FRMPD2: variants seen among roughly 807,000 people sequenced by gnomAD.
The protein encoded by FRMPD2 is FERM and PDZ domain-containing protein 2.
In FRMPD2, 96 loss-of-function variants were observed where a neutral mutation model predicts 140.1. That is an observed-to-expected ratio of 0.69 (90% CI 0.58 to 0.81). The LOEUF is 0.81. Among genes scored for constraint, FRMPD2 ranks in the 40% least tolerant of loss-of-function variants. The pLI is 0.00. For synonymous variants in FRMPD2, 449 were observed against 547.6 expected (o/e 0.82, Z 2.52); for missense variants, 1,240 against 1,447.4 (o/e 0.86, Z 2.32).
chr10:48,211,912 C>T, intron 13 of FRMPD2, 42 bp downstream of exon 13: 1 of 1,593,292 alleles, frequency 6.3e-7, no homozygotes, highest in Non-Finnish European at 8.6e-7. Context: ...GGCTGCATTC[C>T]CTTGAAGACC....
chr10:48,245,278 A>G (rs778603267), intron 3 of FRMPD2, among the ~76,000 whole-genome samples: 3 of 152,348 alleles, frequency 2.0e-5, no homozygotes, highest in Non-Finnish European at 2.9e-5. Flanking sequence ...ATGGAAATAC[A>G]CAGCCTGGAT....
At position 48,168,043 on chromosome 10, in the gene FRMPD2, C is replaced by G. The variant is rs1434992732; in HGVS notation, c.3537+552G>C. Among the ~76,000 whole-genome samples the G allele has an allele frequency of 2.0e-5, 3 of 147,796 alleles. 1 individual carries two copies. Among genetic ancestry groups the G allele is most frequent in the East Asian group, 1.9e-4 (1 of 5,182 alleles). Reference sequence around the variant, plus strand: ...CTATAATAAATCTCTTTCTCTCACTCTCTTCATATATAAACACACACATAA... The same window carrying G: ...CTATAATAAATCTCTTTCTCTCACTGTCTTCATATATAAACACACACATAA... On this transcript the variant is annotated intron_variant, in intron 27 of 28. Transcript: ENST00000374201.
chr10:48,256,096 A>G (rs541163067), intron 1 of FRMPD2, among the ~76,000 whole-genome samples: 31 of 152,338 alleles, frequency 2.0e-4, no homozygotes, highest in African/African-American at 7.2e-4. Context: ...GCTGAGTATT[A>G]ACTAGAAGGA....
At chr10:48,265,122 C>T (rs1371115414) in intron 1 of FRMPD2, among the ~76,000 whole-genome samples, 1 of 152,192 alleles carries the variant, frequency 6.6e-6, no homozygotes, top group South Asian at 2.1e-4. Flanking sequence ...GAAAGGACTT[C>T]TTATTCAGTA....
chr10:48,190,454 G>A (rs1043193732), intron 16 of FRMPD2, among the ~76,000 whole-genome samples: 1 of 152,158 alleles, frequency 6.6e-6, no homozygotes. Context: ...CTGAGCCCTG[G>A]TTGCCCTCAA....
intron 1 of FRMPD2, among the ~76,000 whole-genome samples, chr10:48,271,916 T>C (rs1157385373): frequency 2.0e-5 from 3 of 152,322 alleles, no homozygotes; most frequent in South Asian, 4.1e-4. Flanking sequence ...GTCTGGCATA[T>C]GGCAGTTTTT....
rs770784854 is a variant in FRMPD2 at position 48,244,815 on chromosome 10, C to A, written c.344G>T (p.Trp115Leu). The change falls in exon 4 of 29, where the codon TGG becomes TTG. Residue 115 changes from tryptophan (W) to leucine (L), a missense_variant. Transcript: ENST00000374201. The stretch of plus-strand genomic sequence containing the variant: ...TGGCGGAACATGAAACCCTGCTGAC[C>A]AGTAGAGGGTCATTCCTAAAGAATA... ...HVYSLGMTLY[W>L]SAGFHVPPHQ... 5 of 1,613,354 alleles carry A rather than the reference C, an allele frequency of 3.1e-6. No homozygotes were observed. The East Asian group carries it at 8.9e-5, about 29-fold the overall frequency.
intron 5 of FRMPD2, among the ~76,000 whole-genome samples, chr10:48,240,768 C>T (rs765055168): frequency 4.6e-5 from 7 of 152,162 alleles, no homozygotes; most frequent in Non-Finnish European, 7.3e-5. Context: ...CCCAGAAGCT[C>T]CTCTGTGCCC....
At position 48,185,613 on chromosome 10, in the gene FRMPD2, C is replaced by G; in HGVS notation, c.2299G>C (p.Ala767Pro). 1 of 1,614,076 alleles carries G rather than the reference C, an allele frequency of 6.2e-7. No homozygotes were observed. Among genetic ancestry groups the G allele is most frequent in the Non-Finnish European group, 8.5e-7 (1 of 1,179,932 alleles). ...SKNNRRKSFIAEPGREIVRVT... is the reference protein window; with the variant it reads ...SKNNRRKSFIPEPGREIVRVT... ...CGTACAATTTCTCGGCCCGGTTCAG[C>G]TATAAAGCTCTTCCTCCTATTATTC... Residue 767 changes from alanine to proline, a missense_variant, in exon 18 of 29, where the codon GCT becomes CCT. Physicochemically the swap from Ala to Pro is conservative, Grantham distance 27. Coordinates refer to ENST00000374201, the MANE Select transcript of FRMPD2 (RefSeq NM_001018071.4).
rs118098062 is a variant in FRMPD2 at position 48,189,647 on chromosome 10, G to A, written c.2166-2355C>T. On this transcript the variant is annotated intron_variant, in intron 16 of 28. Coordinates refer to ENST00000374201, the MANE Select transcript of FRMPD2 (RefSeq NM_001018071.4). ...CTCACCACCGAATCCTCCACACCTG[G>A]CCCAGGGCTGGCACACATTAGGTGC... Among the ~76,000 whole-genome samples, 1,199 of 152,318 alleles carry A rather than the reference G, an allele frequency of 7.9e-3. 5 individuals are homozygous for A. Among genetic ancestry groups the A allele is most frequent in the Admixed American group, 0.012 (187 of 15,298 alleles).
At chr10:48,248,349 C>G (rs1019840281) in intron 3 of FRMPD2, among the ~76,000 whole-genome samples, 1 of 152,230 alleles carries the variant, frequency 6.6e-6, no homozygotes, top group Non-Finnish European at 1.5e-5. Context: ...AAAACCTCCA[C>G]TGATGTTGCC....
chr10:48,238,916 C>T (rs1056769758), intron 7 of FRMPD2, among the ~76,000 whole-genome samples: 4 of 152,230 alleles, frequency 2.6e-5, no homozygotes, highest in African/African-American at 4.8e-5. Context: ...ATATGGCCAA[C>T]AGAATGAAGT....
At chr10:48,251,757 C>T (rs771303370) in intron 1 of FRMPD2, 66 bp from the exon 2 acceptor site, 44 of 1,588,110 alleles carry the variant, frequency 2.8e-5, no homozygotes, top group South Asian at 4.5e-5. Flanking sequence ...GGCCCGTACT[C>T]GCCACTCTGG....
chr10:48,231,550 A>G (rs1478743294), intron 10 of FRMPD2, among the ~76,000 whole-genome samples: 1 of 151,910 alleles, frequency 6.6e-6, no homozygotes, highest in Non-Finnish European at 1.5e-5. Flanking sequence ...CCCTTGCCCA[A>G]CCTCCTTAGA....
chr10:48,200,926 A>G (rs1358380830), intron 15 of FRMPD2, among the ~76,000 whole-genome samples: 1 of 152,204 alleles, frequency 6.6e-6, no homozygotes, highest in Non-Finnish European at 1.5e-5. Flanking sequence ...CTTAGGATAA[A>G]TGTCTATCTA....
chr10:48,164,366 G>T (rs550093356), intron 27 of FRMPD2, among the ~76,000 whole-genome samples: 11 of 151,240 alleles, frequency 7.3e-5, no homozygotes, highest in African/African-American at 2.7e-4. Flanking sequence ...CATCTGCCTG[G>T]TTCCCTCACT....
intron 20 of FRMPD2, 39 bp from the exon 21 acceptor site, chr10:48,181,047 A>T: frequency 2.1e-6 from 3 of 1,420,196 alleles, no homozygotes; most frequent in Non-Finnish European, 3.0e-6. Context: ...CAGCTTAAAA[A>T]GGCCGGTTTC....
intron 10 of FRMPD2, 113 bp downstream of exon 10, chr10:48,232,002 G>T (rs1352410683): frequency 1.1e-6 from 1 of 910,002 alleles, no homozygotes; most frequent in Non-Finnish European, 1.8e-6. Context: ...GGCATACAAA[G>T]GGAGGCACCC....
intron 12 of FRMPD2, among the ~76,000 whole-genome samples, chr10:48,217,299 C>T (rs1340428454): frequency 1.3e-5 from 2 of 152,200 alleles, no homozygotes; most frequent in African/African-American, 2.4e-5. Flanking sequence ...CACCCTTACC[C>T]TCAGGTGTTT....
Sources: gnomAD v4.1 joint callset for allele counts (sites outside exome capture counted in the v4.1 genomes callset) on GRCh38, gnomAD v4.1.1 for gene constraint, MANE v1.5 for transcripts, NCBI Gene and HGNC (gene_info 2026-07-23, HGNC 2026-07-21) for gene names.